The following SOX5 variants were observed in gnomAD, a reference collection of about 807,000 sequenced individuals.
SOX5 encodes SRY-box transcription factor 5, also known as transcription factor SOX-5.
In SOX5, 9 loss-of-function variants were observed where a neutral mutation model predicts 92.0. The ratio of observed to expected loss-of-function variants is 0.10; its 90% confidence interval spans 0.06 to 0.17. The LOEUF (loss-of-function observed/expected upper bound fraction) is 0.17. Among genes scored for constraint, SOX5 ranks in the 10% least tolerant of loss-of-function variants. SOX5 has a pLI of 1.00. For synonymous variants in SOX5, 344 were observed against 336.3 expected (o/e 1.02, Z -0.25); for missense variants, 642 against 944.5 (o/e 0.68, Z 4.20).
intron 1 of SOX5, among the ~76,000 whole-genome samples, chr12:24,378,263 A>G (rs1281221467): frequency 6.6e-6 from 1 of 152,234 alleles, no homozygotes; most frequent in Non-Finnish European, 1.5e-5. Context: ...GGGGTCTAAA[A>G]GGAGATTCCA....
At chr12:24,132,357 G>A (rs540280381) in intron 4 of SOX5, among the ~76,000 whole-genome samples, 1 of 152,234 alleles carries the variant, frequency 6.6e-6, no homozygotes, top group East Asian at 1.9e-4. Context: ...TTTTGTTAAG[G>A]TTTAATGTGT....
At chr12:24,463,206 CAA>C (rs1244032080) in intron 1 of SOX5, among the ~76,000 whole-genome samples, 3 of 136,720 alleles carry the variant, frequency 2.2e-5, no homozygotes, top group African/African-American at 5.5e-5. Flanking sequence ...GACCTTGTTT[CAA>C]AAAAAAAGAA....
chr12:23,894,673 C>T (rs916408587), intron 2 of SOX5, among the ~76,000 whole-genome samples: 1 of 152,058 alleles, frequency 6.6e-6, no homozygotes, highest in Non-Finnish European at 1.5e-5. Context: ...CAGAAGATAA[C>T]TGATTCTTCT....
chr12:24,395,729 CAT>C (rs1239966628), intron 1 of SOX5, among the ~76,000 whole-genome samples: 1 of 152,200 alleles, frequency 6.6e-6, no homozygotes, highest in Non-Finnish European at 1.5e-5. Context: ...AAATAACTTA[CAT>C]ATGTTATTTC....
intron 4 of SOX5, among the ~76,000 whole-genome samples, chr12:24,083,539 C>T (rs1943615876): frequency 1.3e-5 from 2 of 151,994 alleles, no homozygotes; most frequent in Admixed American, 1.3e-4. Flanking sequence ...ACTGTAGGTG[C>T]AGAAATAGGT....
chr12:23,808,639 C>T (rs1458323821), intron 3 of SOX5, among the ~76,000 whole-genome samples: 1 of 152,088 alleles, frequency 6.6e-6, no homozygotes, highest in East Asian at 1.9e-4. Context: ...TATCATTCTA[C>T]TTTTAAAAAT....
At chr12:23,951,552 A>G (rs552328201), upstream of SOX5, among the ~76,000 whole-genome samples, 2 of 152,192 alleles carry the variant, frequency 1.3e-5, no homozygotes, top group Non-Finnish European at 2.9e-5. Flanking sequence ...AACTTATATT[A>G]GTAAATTTAT....
upstream of SOX5, among the ~76,000 whole-genome samples, chr12:23,951,830 G>T (rs1462430386): frequency 6.6e-6 from 1 of 152,062 alleles, no homozygotes; most frequent in Non-Finnish European, 1.5e-5. Flanking sequence ...GGGAAGGGGG[G>T]AAGAATATTA....
intron 4 of SOX5, among the ~76,000 whole-genome samples, chr12:24,130,007 G>T (rs551625494): frequency 1.3e-5 from 2 of 152,224 alleles, no homozygotes; most frequent in African/African-American, 4.8e-5. Context: ...ATGTATGTAT[G>T]TGTATATTTA....
At chr12:23,914,403 A>T (rs1433681215) in intron 1 of SOX5, among the ~76,000 whole-genome samples, 1 of 152,204 alleles carries the variant, frequency 6.6e-6, no homozygotes, top group Non-Finnish European at 1.5e-5. Flanking sequence ...AATTAAATAG[A>T]CATTGATTTA....
At chr12:23,697,306 T>C (rs894856559) in intron 6 of SOX5, among the ~76,000 whole-genome samples, 1 of 152,232 alleles carries the variant, frequency 6.6e-6, no homozygotes, top group Non-Finnish European at 1.5e-5. Flanking sequence ...CAAGTTAAAA[T>C]TGTAAAATGA....
intron 2 of SOX5, among the ~76,000 whole-genome samples, chr12:23,873,211 G>T (rs987301675): frequency 5.9e-5 from 9 of 152,096 alleles, no homozygotes; most frequent in African/African-American, 2.2e-4. Flanking sequence ...ATGACTGTAG[G>T]CTGGGCACCG....
At chr12:23,712,467 T>C (rs79013554) in intron 6 of SOX5, among the ~76,000 whole-genome samples, 4,248 of 152,310 alleles carry the variant, frequency 0.028, 62 homozygotes, top group African/African-American at 0.047. Context: ...CTATTGATTG[T>C]AACTTCAGGA....
chr12:24,466,029 A>T lies in SOX5; in HGVS notation c.-251+96300T>A, dbSNP rs374188187. Among the ~76,000 whole-genome samples the T allele has an allele frequency of 3.9e-5, 6 of 152,340 alleles. 1 individual carries two copies. The East Asian group carries it at 1.2e-3, about 29-fold the overall frequency. On this transcript the variant is annotated intron_variant, in intron 1 of 4. Coordinates refer to the SOX5 transcript ENST00000446891. The stretch of plus-strand genomic sequence containing the variant: ...CCCTAATTATCCCACACTGCAGGAA[A>T]GGGTTTTTTAAGACTTAAATCTTTT...
chr12:24,305,221 T>C (rs1948435069), intron 2 of SOX5, among the ~76,000 whole-genome samples: 1 of 152,200 alleles, frequency 6.6e-6, no homozygotes, highest in Admixed American at 6.5e-5. Flanking sequence ...CTCAAACACA[T>C]GAGATTATGT....
intron 9 of SOX5, among the ~76,000 whole-genome samples, chr12:23,590,058 T>C (rs1231623242): frequency 6.6e-6 from 1 of 151,936 alleles, no homozygotes; most frequent in Non-Finnish European, 1.5e-5. Flanking sequence ...TATATAGAAA[T>C]GACGGTTTAG....
At chr12:24,117,078 T>C (rs1948091715) in intron 4 of SOX5, among the ~76,000 whole-genome samples, 1 of 150,522 alleles carries the variant, frequency 6.6e-6, no homozygotes, top group Non-Finnish European at 1.5e-5. Flanking sequence ...AAGAGACTAA[T>C]ATCCAAAATA....
intron 7 of SOX5, among the ~76,000 whole-genome samples, chr12:23,655,493 G>A (rs1437967530): frequency 3.9e-5 from 6 of 152,108 alleles, no homozygotes; most frequent in Admixed American, 1.3e-4. Context: ...TGGAAGAGGG[G>A]CATTCGCATA....
At chr12:23,675,693 T>A (rs2085555844) in intron 6 of SOX5, among the ~76,000 whole-genome samples, 1 of 152,056 alleles carries the variant, frequency 6.6e-6, no homozygotes, top group Non-Finnish European at 1.5e-5. Context: ...AATAAACAAG[T>A]GGACTACTTC....
Sources: gnomAD v4.1 joint callset for allele counts (sites outside exome capture counted in the v4.1 genomes callset) on GRCh38, gnomAD v4.1.1 for gene constraint, MANE v1.5 for transcripts, NCBI Gene and HGNC (gene_info 2026-07-23, HGNC 2026-07-21) for gene names.